Variants in PRB2 observed in about 807,000 individuals in gnomAD.
PRB2 encodes the protein basic salivary proline-rich protein 2.
Under a neutral mutation model 8.3 loss-of-function variants are expected in PRB2, and 12 were observed. The observed-to-expected ratio is 1.45, with a 90% CI of 0.93 to 2.35. The LOEUF (loss-of-function observed/expected upper bound fraction) is 2.35, where lower values mean the gene tolerates loss of function less well. Among genes scored for constraint, PRB2 ranks in the 30% most tolerant of loss-of-function variants. The pLI is 0.00. For missense variants in PRB2, 470 were observed against 507.0 expected, an observed-to-expected ratio of 0.93 and a Z score of 0.70; for synonymous variants, 146 against 180.0, an observed-to-expected ratio of 0.81 and a Z score of 1.51.
Position 11,395,540 on chromosome 12 carries a change from G to A in PRB2, c.-11C>T, listed in dbSNP as rs749934127. The A allele has an allele frequency of 1.6e-5, 26 of 1,611,382 alleles. No individual in the cohort carries two copies. The highest frequency in any genetic ancestry group is 2.7e-5 in the African/African-American group (2 of 74,316). ...CAGAATCAACAGCATCTTGCAGGAGGCTCTGGAGTCACTCCCAACTCTGTG... is the reference window on the plus strand; with the variant it reads ...CAGAATCAACAGCATCTTGCAGGAGACTCTGGAGTCACTCCCAACTCTGTG... On this transcript the variant is annotated 5_prime_UTR_variant, in exon 1 of 4. Coordinates refer to ENST00000389362, the MANE Select transcript of PRB2 (RefSeq NM_006248.4).
In PRB2 at chr12:11,395,451, C is replaced by G. The variant is rs1864394917; in HGVS notation, c.64+15G>C. On this transcript the variant is annotated intron_variant, in intron 1 of 3. Transcript: ENST00000389362. ...CCAAGCAGAGTCACCACATCTTCTC[C>G]CCCTTCTGTTTTACCTTCATTTAAG... The G allele has an allele frequency of 6.2e-7, 1 of 1,613,818 alleles. No individual in the cohort carries two copies. Among genetic ancestry groups the G allele is most frequent in the Admixed American group, 1.7e-5 (1 of 59,998 alleles).
chr12:11,394,641 G>C (rs1201157869), intron 1 of PRB2, 111 bp from the exon 2 acceptor site: 4 of 1,361,182 alleles, frequency 2.9e-6, no homozygotes, highest in Non-Finnish European at 4.2e-6. Flanking sequence ...CATCCCCTAA[G>C]TTAACTCATC....
intron 2 of PRB2, 128 bp downstream of exon 2, chr12:11,394,367 T>C (rs139949919): frequency 2.7e-4 from 323 of 1,201,182 alleles, no homozygotes; most frequent in Admixed American, 8.0e-4. Flanking sequence ...AGAGTGCCTA[T>C]ATTATTAGGA....
In PRB2 at chr12:11,394,563, T is replaced by A. The variant is rs534054684; in HGVS notation, c.65-33A>T. The A allele has an allele frequency of 6.8e-6, 11 of 1,610,248 alleles. No homozygotes were observed. The East Asian group carries it at 2.5e-4, about 36-fold the overall frequency. On this transcript the variant is annotated intron_variant, in intron 1 of 3. Coordinates refer to ENST00000389362, the MANE Select transcript of PRB2 (RefSeq NM_006248.4). The stretch of plus-strand genomic sequence containing the variant: ...AGAAGCACAGGATGATGGGAACAGT[T>A]ACATCTTGAACCTTACAAGACTCAC...
chr12:11,395,084 C>G (rs1864389040), intron 1 of PRB2, among the ~76,000 whole-genome samples: 1 of 152,096 alleles, frequency 6.6e-6, no homozygotes, highest in Non-Finnish European at 1.5e-5. Flanking sequence ...GTGTCTATCG[C>G]CGTCATCGAT....
intron 2 of PRB2, 48 bp from the exon 3 acceptor site, chr12:11,394,025 G>A: frequency 6.2e-7 from 1 of 1,611,094 alleles, no homozygotes; most frequent in Non-Finnish European, 8.5e-7. Context: ...GCCCATACAA[G>A]ATTCCCTGAA....
intron 3 of PRB2, among the ~76,000 whole-genome samples, chr12:11,391,918 T>C (rs984882942): frequency 8.3e-6 from 1 of 119,794 alleles, no homozygotes; most frequent in African/African-American, 3.5e-5. Flanking sequence ...TTCACAGATA[T>C]ATTTACACAG....
In PRB2 at chr12:11,393,921, G is replaced by C. The variant is rs766354372; in HGVS notation, c.157C>G (p.Pro53Ala). Reference protein sequence around the residue: ...GGNKPQGPPSPPGKPQGPPPQ... With the variant: ...GGNKPQGPPSAPGKPQGPPPQ... The stretch of plus-strand genomic sequence containing the variant: ...GGTGGTCCTTGTGGCTTTCCTGGAG[G>C]AGATGGGGGACCTTGAGGTTTGTTG... The change falls in exon 3 of 4, where the codon CCT becomes GCT. Residue 53 changes from proline (P) to alanine (A), a missense_variant. Coordinates refer to ENST00000389362, the MANE Select transcript of PRB2 (RefSeq NM_006248.4). The C allele has an allele frequency of 6.7e-7, 1 of 1,493,572 alleles. No homozygotes were observed. The highest frequency in any genetic ancestry group is 9.0e-7 in the Non-Finnish European group (1 of 1,109,716). The allele number at this position is 1,493,572 out of a possible 1,614,324, so 92.5% of individuals were successfully genotyped here.
Position 11,391,663 on chromosome 12 carries a change from C to T in PRB2, c.*34-15G>A, listed in dbSNP as rs551263158. 2.3e-6 allele frequency: 1 copy of T among 430,826 alleles called. No individual in the cohort carries two copies. The highest frequency in any genetic ancestry group is 4.6e-6 in the Non-Finnish European group (1 of 216,462). 26.7% of individuals were successfully genotyped at this position (430,826 alleles called of 1,614,324 possible). A position where few individuals can be genotyped will look rare whatever the true frequency, so the allele number is the denominator to read the frequency against. ...TTATTCACTTCCTGAAACAAACAAA[C>T]AAGGAAGTTCATAGACCAGACTTGA... On this transcript the variant is annotated splice_polypyrimidine_tract_variant and intron_variant, in intron 3 of 3. Transcript: ENST00000389362.
Position 11,393,594 on chromosome 12 carries a change from G to T in PRB2, c.484C>A (p.Pro162Thr). The T allele has an allele frequency of 3.8e-6, 6 of 1,578,802 alleles. No individual in the cohort carries two copies. The highest frequency in any genetic ancestry group is 4.3e-6 in the Non-Finnish European group (5 of 1,165,506). ...GPPPPGKPQG[P>T]PPQGDNKSRS... ...GACTTGTTGTCTCCTTGTGGGGGTG[G>T]TCCTTGTGGCTTTCCTGGAGGTGGG... The change falls in exon 3 of 4, where the codon CCA becomes ACA. Residue 162 changes from proline to threonine, a missense_variant. This residue lies in a region of PRB2 where 211 missense variants were observed against 207.7 expected (regional missense o/e 1.02). Coordinates refer to ENST00000389362, the MANE Select transcript of PRB2 (RefSeq NM_006248.4).
At position 11,393,916 on chromosome 12, in the gene PRB2, T is replaced by A; in HGVS notation, c.162A>T (p.Pro54=). 1 of 1,499,364 alleles carries A rather than the reference T, an allele frequency of 6.7e-7. No individual in the cohort carries two copies. The highest frequency in any genetic ancestry group is 2.8e-5 in the East Asian group (1 of 35,276). 92.9% of individuals were successfully genotyped at this position (1,499,364 alleles called of 1,614,324 possible). Residue 54 remains proline, a synonymous_variant, in exon 3 of 4, where the codon CCA becomes CCT. Transcript: ENST00000389362. ...GTGGGGGTGGTCCTTGTGGCTTTCCTGGAGGAGATGGGGGACCTTGAGGTT... is the reference window on the plus strand; with the variant it reads ...GTGGGGGTGGTCCTTGTGGCTTTCCAGGAGGAGATGGGGGACCTTGAGGTT... The part of the protein sequence containing the change: ...GNKPQGPPSP[P]GKPQGPPPQG...
Position 11,393,581 on chromosome 12 carries a change from C to A in PRB2, c.497G>T (p.Gly166Val). The change falls in exon 3 of 4, where the codon GGA (glycine) becomes GTA (valine). Residue 166 changes from glycine (G) to valine (V), a missense_variant. Gly to Val is a moderately radical substitution (Grantham distance 109). Transcript: ENST00000389362. ...TCGAGAACTTCGGGACTTGTTGTCTCCTTGTGGGGGTGGTCCTTGTGGCTT... is the reference window on the plus strand; with the variant it reads ...TCGAGAACTTCGGGACTTGTTGTCTACTTGTGGGGGTGGTCCTTGTGGCTT... ...PGKPQGPPPQ[G>V]DNKSRSSRSP... 1 of 1,588,756 alleles carries A rather than the reference C, an allele frequency of 6.3e-7. No homozygotes were observed. The highest frequency in any genetic ancestry group is 8.5e-7 in the Non-Finnish European group (1 of 1,170,174).
chr12:11,395,440 C>T, intron 1 of PRB2, 26 bp downstream of exon 1: 2 of 1,613,836 alleles, frequency 1.2e-6, no homozygotes, highest in South Asian at 1.1e-5. Flanking sequence ...GCAGAGTCAC[C>T]ACATCTTCTC....
At position 11,392,981 on chromosome 12, in the gene PRB2, G is replaced by T. The variant is rs752320175; in HGVS notation, c.1097C>A (p.Pro366Gln). The change falls in exon 3 of 4, where the codon CCA becomes CAA. Residue 366 changes from proline to glutamine, a missense_variant. By Grantham distance (76) the Pro-to-Gln change is moderately conservative (BLOSUM62 -1). Transcript: ENST00000389362. ...SRSARSPPGK[P>Q]QGPPQQEGNN... ...GCCTTCTTGTTGGGGTGGTCCTTGT[G>T]GCTTTCCTGGAGGAGATCGGGCACT... is the stretch of plus-strand genomic sequence containing the variant. 21 of 1,612,532 alleles carry T rather than the reference G, an allele frequency of 1.3e-5. No homozygotes were observed. The highest frequency in any genetic ancestry group is 4.4e-5 in the South Asian group (4 of 90,882).
At position 11,393,642 on chromosome 12, in the gene PRB2, C is replaced by T; in HGVS notation, c.436G>A (p.Gly146Arg). ...GGGGGACCTTGAGGTTTGTTGCCTC[C>T]TTGTGGGGGTGGTCCTTGTGGCTTT... ...PGKPQGPPPQ[G>R]GNKPQGPPPP... is the part of the protein sequence containing the mutation. Residue 146 changes from glycine (G) to arginine (R), a missense_variant, in exon 3 of 4, where the codon GGA (glycine) becomes AGA (arginine). Coordinates refer to ENST00000389362, the MANE Select transcript of PRB2 (RefSeq NM_006248.4). The T allele has an allele frequency of 6.5e-7, 1 of 1,541,150 alleles. No individual in the cohort carries two copies. Among genetic ancestry groups the T allele is most frequent in the East Asian group, 2.3e-5 (1 of 42,704 alleles).
chr12:11,391,562 G>C lies in PRB2; in HGVS notation c.*120C>G. 5.1e-6 allele frequency: 2 copies of C among 393,562 alleles called. No homozygotes were observed. Among genetic ancestry groups the C allele is most frequent in the Non-Finnish European group, 1.0e-5 (2 of 199,926 alleles). The allele number at this position is 393,562 out of a possible 1,614,324, so 24.4% of individuals were successfully genotyped here. A position where few individuals can be genotyped will look rare whatever the true frequency, so the allele number is the denominator to read the frequency against. On this transcript the variant is annotated 3_prime_UTR_variant, in exon 4 of 4. Coordinates refer to ENST00000389362, the MANE Select transcript of PRB2 (RefSeq NM_006248.4). ...AAATTGCAAGCTAATTATTTTATTG[G>C]TATACAGAAGTTAGAGCTATGATGA...
rs773242263 is a variant in PRB2 at position 11,394,826 on chromosome 12, T to C, written c.65-296A>G. ...AAATGCCAGGTACTTCAATGTGATATTTTGGTGTTCTTATGCCCTCCATCT... is the reference window on the plus strand; with the variant it reads ...AAATGCCAGGTACTTCAATGTGATACTTTGGTGTTCTTATGCCCTCCATCT... On this transcript the variant is annotated intron_variant, in intron 1 of 3. Transcript: ENST00000389362. 1.3e-3 allele frequency among the ~76,000 whole-genome samples: 204 copies of C among 152,182 alleles called. 2 individuals carry two copies. Among genetic ancestry groups the C allele is most frequent in the Non-Finnish European group, 1.8e-3 (120 of 68,014 alleles).
chr12:11,393,215 G>A lies in PRB2; in HGVS notation c.863C>T (p.Pro288Leu), dbSNP rs373816057. 7.7e-6 allele frequency: 12 copies of A among 1,568,092 alleles called. No individual in the cohort carries two copies. Among genetic ancestry groups the A allele is most frequent in the Non-Finnish European group, 1.0e-5 (12 of 1,160,756 alleles). ...PPPGKPQGPP[P>L]QGGSKSRSSR... ...ACTTCGGGACTTGCTGCCTCCTTGT[G>A]GGGGTGGTCCTTGTGGCTTTCCTGG... Residue 288 changes from proline to leucine, a missense_variant, in exon 3 of 4, where the codon CCA (proline) becomes CTA (leucine). Pro to Leu is a moderately conservative substitution (Grantham distance 98). This residue lies in a region of PRB2 where 205 missense variants were observed against 195.0 expected (regional missense o/e 1.05). Coordinates refer to ENST00000389362, the MANE Select transcript of PRB2 (RefSeq NM_006248.4).
Position 11,393,587 on chromosome 12 carries a change from G to T in PRB2, c.491C>A (p.Pro164Gln), listed in dbSNP as rs557172638. The T allele has an allele frequency of 4.4e-6, 7 of 1,592,136 alleles. No individual in the cohort carries two copies. The Admixed American group carries it at 5.1e-5, about 12-fold the overall frequency. ...PPPGKPQGPP[P>Q]QGDNKSRSSR... ...ACTTCGGGACTTGTTGTCTCCTTGT[G>T]GGGGTGGTCCTTGTGGCTTTCCTGG... The change falls in exon 3 of 4, where the codon CCA becomes CAA. Residue 164 changes from proline to glutamine, a missense_variant. Coordinates refer to ENST00000389362, the MANE Select transcript of PRB2 (RefSeq NM_006248.4).
Sources: gnomAD v4.1 joint callset for allele counts (sites outside exome capture counted in the v4.1 genomes callset) on GRCh38, gnomAD v4.1.1 for gene constraint, gnomAD v4.1.1 regional missense constraint, MANE v1.5 for transcripts, NCBI Gene and HGNC (gene_info 2026-07-23, HGNC 2026-07-21) for gene names.